PLCL2: variants seen among roughly 807,000 people sequenced by gnomAD.
The protein encoded by PLCL2 is inactive phospholipase C-like protein 2.
Under a neutral mutation model 79.6 loss-of-function variants are expected in PLCL2, and 4 were observed. The observed-to-expected ratio is 0.05, with a 90% confidence interval of 0.02 to 0.11. PLCL2 has a LOEUF of 0.11. Ranked by LOEUF, PLCL2 falls within the 10% of genes least tolerant of loss-of-function variation. PLCL2 has a pLI of 1.00. For missense variants in PLCL2, 895 were observed against 1,291.0 expected, an observed-to-expected ratio of 0.69 and a Z score of 4.70; for synonymous variants, 484 against 457.7, an observed-to-expected ratio of 1.06 and a Z score of -0.73.
At chr3:16,959,388 A>G (rs1039066653) in intron 1 of PLCL2, among the ~76,000 whole-genome samples, 4 of 152,140 alleles carry the variant, frequency 2.6e-5, no homozygotes, top group African/African-American at 4.8e-5. Context: ...TCTCTTGTTC[A>G]TTATTTCTTG....
intron 1 of PLCL2, among the ~76,000 whole-genome samples, chr3:16,891,186 G>C (rs2124914569): frequency 6.6e-6 from 1 of 152,330 alleles, no homozygotes; most frequent in East Asian, 1.9e-4. Context: ...TAGGGGCTTG[G>C]ATTAGATCCT....
At chr3:17,005,097 G>A (rs1007039316) in intron 1 of PLCL2, among the ~76,000 whole-genome samples, 7 of 152,150 alleles carry the variant, frequency 4.6e-5, no homozygotes, top group African/African-American at 1.4e-4. Flanking sequence ...TTCTCATGAT[G>A]TTTTTTGAGG....
At chr3:16,988,085 G>A (rs2064068220) in intron 1 of PLCL2, among the ~76,000 whole-genome samples, 1 of 152,126 alleles carries the variant, frequency 6.6e-6, no homozygotes, top group African/African-American at 2.4e-5. Context: ...CTAGGCTAAA[G>A]AAACCAAGTT....
At chr3:17,065,165 G>T (rs986037490) in intron 4 of PLCL2, among the ~76,000 whole-genome samples, 8 of 152,200 alleles carry the variant, frequency 5.3e-5, no homozygotes, top group African/African-American at 1.7e-4. Context: ...TGGGCTAGAG[G>T]TATTTTAAGA....
At chr3:17,082,303 C>T (rs563070823) in intron 5 of PLCL2, among the ~76,000 whole-genome samples, 1 of 151,992 alleles carries the variant, frequency 6.6e-6, no homozygotes, top group African/African-American at 2.4e-5. Flanking sequence ...GCCACCATGC[C>T]AGCTAATTTT....
intron 5 of PLCL2, among the ~76,000 whole-genome samples, chr3:17,082,703 C>T (rs1388544803): frequency 6.6e-6 from 1 of 152,088 alleles, no homozygotes; most frequent in East Asian, 1.9e-4. Context: ...TTATCATATG[C>T]CATCTGGGGA....
intron 1 of PLCL2, among the ~76,000 whole-genome samples, chr3:16,905,777 C>T (rs553919378): frequency 7.9e-5 from 12 of 152,346 alleles, no homozygotes; most frequent in African/African-American, 2.9e-4. Flanking sequence ...TTTAGACCTC[C>T]TCAGAATAGC....
chr3:16,900,491 G>A (rs1482499139), intron 1 of PLCL2, among the ~76,000 whole-genome samples: 1 of 152,072 alleles, frequency 6.6e-6, no homozygotes, highest in African/African-American at 2.4e-5. Context: ...TTGAAATAAA[G>A]CTATATGTTG....
chr3:17,056,333 G>A (rs1387364021), intron 4 of PLCL2, among the ~76,000 whole-genome samples: 1 of 152,106 alleles, frequency 6.6e-6, no homozygotes, highest in African/African-American at 2.4e-5. Context: ...ACACATGTAT[G>A]TGTGTATATT....
chr3:17,063,243 TG>T (rs1271817925), intron 4 of PLCL2, among the ~76,000 whole-genome samples: 9 of 51,532 alleles, frequency 1.7e-4, no homozygotes, highest in East Asian at 5.0e-4. Context: ...CCTCCCTCCC[TG>T]CCTTCCTCCC....
At chr3:16,985,327 A>G (rs146083722) in intron 1 of PLCL2, among the ~76,000 whole-genome samples, 1 of 152,260 alleles carries the variant, frequency 6.6e-6, no homozygotes, top group African/African-American at 2.4e-5. Flanking sequence ...TAGTACTTCC[A>G]TAGTACGTGG....
At chr3:16,892,939 A>G (rs1179156621) in intron 1 of PLCL2, among the ~76,000 whole-genome samples, 1 of 152,188 alleles carries the variant, frequency 6.6e-6, no homozygotes, top group Admixed American at 6.5e-5. Flanking sequence ...CTCCCACTCC[A>G]TCCTCTGGAT....
chr3:16,948,985 G>A (rs1294729917), intron 1 of PLCL2, among the ~76,000 whole-genome samples: 2 of 152,146 alleles, frequency 1.3e-5, no homozygotes, highest in South Asian at 2.1e-4. Flanking sequence ...TTCAGACAAC[G>A]CAACTGTTGG....
chr3:16,933,240 G>A (rs1697451837), intron 1 of PLCL2: 1 of 154,804 alleles, frequency 6.5e-6, no homozygotes, highest in East Asian at 1.9e-4. Context: ...CACCGGGCAG[G>A]GAAGACACCG....
At position 16,889,522 on chromosome 3, in the gene PLCL2, G is replaced by C. The variant is rs75057588; in HGVS notation, c.327+4156G>C. 9.3e-4 allele frequency among the ~76,000 whole-genome samples: 142 copies of C among 152,314 alleles called. 2 individuals carry two copies. Among genetic ancestry groups the C allele is most frequent in the East Asian group, 7.5e-3 (39 of 5,184 alleles). ...GGCTTGCAGCTTCACAGGGACCAAT[G>C]ATCTGACCTTGCCCAAGGTGGCAGC... On this transcript the variant is annotated intron_variant, in intron 1 of 5. Coordinates refer to ENST00000615277, the MANE Select transcript of PLCL2 (RefSeq NM_001144382.2).
chr3:16,885,336 C>A lies in PLCL2; in HGVS notation c.297C>A (p.Gly99=). The A allele has an allele frequency of 3.1e-6, 2 of 654,580 alleles. No homozygotes were observed. The highest frequency in any genetic ancestry group is 4.6e-5 in the Admixed American group (2 of 43,368). The allele number at this position is 654,580 out of a possible 1,614,324, so 40.5% of individuals were successfully genotyped here. A position where few individuals can be genotyped will look rare whatever the true frequency, so the allele number is the denominator to read the frequency against. ...CCCTCCCCCGGGAGAGCAAGCCGGG[C>A]GGCCTGCCCCGCCGGAGCAGCATCA... The part of the protein sequence containing the change: ...VCTLPRESKP[G]GLPRRSSIIK... The change falls in exon 1 of 6, where the codon GGC becomes GGA. Residue 99 remains glycine (G), a synonymous_variant. Transcript: ENST00000615277.
chr3:17,007,747 T>C (rs2064278259), intron 1 of PLCL2, among the ~76,000 whole-genome samples: 2 of 152,242 alleles, frequency 1.3e-5, no homozygotes, highest in South Asian at 2.1e-4. Flanking sequence ...AATACAGATA[T>C]TTTCTATCCA....
At position 17,021,623 on chromosome 3, in the gene PLCL2, CACACACA is replaced by C. The variant is rs779761547; in HGVS notation, c.3018+6713_3018+6719del. ...ACACACACACACACACACACACACA[CACACACA>C]CCCCAGATACTAAGCAAGGAACAGT... On this transcript the variant is annotated intron_variant, in intron 3 of 5. Coordinates refer to ENST00000615277, the MANE Select transcript of PLCL2 (RefSeq NM_001144382.2). Among the ~76,000 whole-genome samples the C allele has an allele frequency of 9.6e-3, 1,456 of 151,870 alleles. 25 individuals carry two copies. Among genetic ancestry groups the C allele is most frequent in the African/African-American group, 0.033 (1,378 of 41,328 alleles).
intron 5 of PLCL2, among the ~76,000 whole-genome samples, chr3:17,086,743 C>T (rs556313479): frequency 8.5e-5 from 13 of 152,096 alleles, no homozygotes; most frequent in East Asian, 1.9e-4. Flanking sequence ...AGTAAGGAAA[C>T]AACCTGATTA....
Sources: gnomAD v4.1 joint callset for allele counts (sites outside exome capture counted in the v4.1 genomes callset) on GRCh38, gnomAD v4.1.1 for gene constraint, MANE v1.5 for transcripts, NCBI Gene and HGNC (gene_info 2026-07-23, HGNC 2026-07-21) for gene names.